The following CRISPLD1 variants were observed in gnomAD, a reference collection of about 807,000 sequenced individuals.
The protein encoded by CRISPLD1 is cysteine-rich secretory protein LCCL domain-containing 1.
A neutral mutation model predicts 77.5 loss-of-function variants in CRISPLD1; 60 were observed. The ratio of observed to expected loss-of-function variants is 0.77; its 90% CI spans 0.63 to 0.96. The LOEUF is 0.96. CRISPLD1 is among the 40% of genes least tolerant of loss of function. The pLI is 0.00. For missense variants in CRISPLD1, 623 were observed against 615.8 expected, an observed-to-expected ratio of 1.01 and a Z score of -0.12; for synonymous variants, 195 against 200.1, an observed-to-expected ratio of 0.97 and a Z score of 0.22.
rs1350766802 is a variant in CRISPLD1, at chr8:75,033,168, A to G, written c.*926A>G. 3 of 152,350 alleles carry G rather than the reference A, an allele frequency of 2.0e-5. No individual in the cohort carries two copies. The highest frequency in any genetic ancestry group is 1.5e-5 in the Non-Finnish European group (1 of 67,838). The allele number at this position is 152,350 out of a possible 1,614,324, so 9.4% of individuals were successfully genotyped here. A position where few individuals can be genotyped will look rare whatever the true frequency, so the allele number is the denominator to read the frequency against. ...CTATAATGGTGATATATTTGTTTCT[A>G]TGAAAAATGTATTGTGCTTTGATAC... On this transcript the variant is annotated 3_prime_UTR_variant, in exon 15 of 15. Transcript: ENST00000262207.
chr8:74,999,667 A>G (rs986672681), intron 2 of CRISPLD1, among the ~76,000 whole-genome samples: 1 of 152,204 alleles, frequency 6.6e-6, no homozygotes, highest in Non-Finnish European at 1.5e-5. Flanking sequence ...ATAATTGTAA[A>G]ATACAGGTTC....
intron 14 of CRISPLD1, 141 bp downstream of exon 14, chr8:75,029,658 G>A (rs1245283764): frequency 4.0e-6 from 3 of 758,516 alleles, no homozygotes; most frequent in Admixed American, 2.9e-5. Flanking sequence ...TTGCACACTT[G>A]TGTACCAGTC....
At chr8:75,009,709 G>A (rs1812896363) in intron 2 of CRISPLD1, among the ~76,000 whole-genome samples, 1 of 151,864 alleles carries the variant, frequency 6.6e-6, no homozygotes, top group African/African-American at 2.4e-5. Flanking sequence ...ATGTCTTTAG[G>A]GACTCCATCT....
intron 2 of CRISPLD1, among the ~76,000 whole-genome samples, chr8:74,995,109 A>G (rs749880398): frequency 8.5e-5 from 13 of 152,174 alleles, no homozygotes; most frequent in Non-Finnish European, 1.8e-4. Context: ...CATCAAGGGA[A>G]TGAGTATAGA....
intron 2 of CRISPLD1, among the ~76,000 whole-genome samples, chr8:74,997,176 A>G (rs78924644): frequency 0.1 from 15,898 of 152,200 alleles, 893 homozygotes; most frequent in South Asian, 0.12. Flanking sequence ...AGGAGGAGAA[A>G]GACTGAATGC....
intron 2 of CRISPLD1, among the ~76,000 whole-genome samples, chr8:75,010,986 T>A (rs1338220388): frequency 2.0e-5 from 3 of 151,894 alleles, no homozygotes. Context: ...ACACTTGTAT[T>A]ACAACCATCT....
chr8:75,020,235 A>G (rs1346767835), intron 12 of CRISPLD1, among the ~76,000 whole-genome samples, 156 bp downstream of exon 12: 1 of 152,244 alleles, frequency 6.6e-6, no homozygotes, highest in Non-Finnish European at 1.5e-5. Flanking sequence ...AGGCAGGCCT[A>G]GTGTACTTTC....
At chr8:74,990,431 C>T (rs1812555304) in intron 2 of CRISPLD1, among the ~76,000 whole-genome samples, 1 of 152,118 alleles carries the variant, frequency 6.6e-6, no homozygotes, top group Admixed American at 6.5e-5. Flanking sequence ...GCTCTTATTT[C>T]CCACACATCT....
At chr8:75,019,745 C>G in intron 10 of CRISPLD1, 125 bp from the exon 11 acceptor site, 1 of 689,832 alleles carries the variant, frequency 1.4e-6, no homozygotes, top group Non-Finnish European at 2.5e-6. Flanking sequence ...TATATTGCTA[C>G]TTGTCTATTT....
intron 12 of CRISPLD1, among the ~76,000 whole-genome samples, chr8:75,022,177 A>T (rs1813147020): frequency 2.0e-5 from 3 of 152,224 alleles, no homozygotes; most frequent in Admixed American, 2.0e-4. Context: ...CAACATAATA[A>T]ATCCATAGAA....
Position 74,988,820 on chromosome 8 carries a change from G to A in CRISPLD1, c.258+2575G>A, listed in dbSNP as rs548678970. The stretch of plus-strand genomic sequence containing the variant: ...ACTGCACTCCACCCTGGGTGACAGC[G>A]AGACACTGCCTTAAAACAAACAAAA... On this transcript the variant is annotated intron_variant, in intron 2 of 14. Transcript: ENST00000262207. Among the ~76,000 whole-genome samples the A allele has an allele frequency of 6.8e-4, 104 of 152,242 alleles. 1 individual carries two copies. The highest frequency in any genetic ancestry group is 1.9e-3 in the Admixed American group (29 of 15,282).
chr8:75,024,360 G>C (rs554925583), intron 12 of CRISPLD1, among the ~76,000 whole-genome samples: 4 of 152,144 alleles, frequency 2.6e-5, no homozygotes, highest in Non-Finnish European at 4.4e-5. Flanking sequence ...GAGTCTTGCT[G>C]TGTTGCCCAG....
chr8:75,001,414 G>C (rs551636861), intron 2 of CRISPLD1, among the ~76,000 whole-genome samples: 9 of 152,244 alleles, frequency 5.9e-5, no homozygotes, highest in African/African-American at 1.9e-4. Context: ...TCTTCCAGGA[G>C]ATACAGTGAT....
At chr8:75,030,108 A>G (rs1334972773) in intron 14 of CRISPLD1, among the ~76,000 whole-genome samples, 1 of 152,182 alleles carries the variant, frequency 6.6e-6, no homozygotes, top group Non-Finnish European at 1.5e-5. Flanking sequence ...AAATGAAGCA[A>G]TGGTGATTTT....
At chr8:75,029,003 G>T (rs1392897757) in intron 13 of CRISPLD1, among the ~76,000 whole-genome samples, 1 of 152,188 alleles carries the variant, frequency 6.6e-6, no homozygotes, top group Non-Finnish European at 1.5e-5. Context: ...TTTGGTCAGA[G>T]TGAGCCCAGT....
chr8:75,002,456 G>T (rs941493874), intron 2 of CRISPLD1, among the ~76,000 whole-genome samples: 8 of 148,176 alleles, frequency 5.4e-5, no homozygotes, highest in Non-Finnish European at 1.2e-4. Context: ...TTCTCAGCAG[G>T]AAACAAATGC....
intron 2 of CRISPLD1, among the ~76,000 whole-genome samples, chr8:74,999,639 G>A (rs1446368556): frequency 6.6e-6 from 1 of 152,122 alleles, no homozygotes; most frequent in Non-Finnish European, 1.5e-5. Context: ...AGGAAGTGGG[G>A]TTTGAATTGG....
intron 2 of CRISPLD1, among the ~76,000 whole-genome samples, chr8:75,003,109 G>A (rs1423054477): frequency 1.3e-5 from 2 of 152,118 alleles, no homozygotes; most frequent in Non-Finnish European, 1.5e-5. Context: ...TGCAGGCACA[G>A]CAATTTATCA....
chr8:75,001,770 G>T (rs1291651712), intron 2 of CRISPLD1, among the ~76,000 whole-genome samples: 1 of 152,098 alleles, frequency 6.6e-6, no homozygotes, highest in Non-Finnish European at 1.5e-5. Context: ...CCCAAATGGT[G>T]GAAACAACCT....
Sources: allele counts gnomAD v4.1 joint callset (sites outside exome capture counted in the v4.1 genomes callset), GRCh38; gene constraint gnomAD v4.1.1; transcripts MANE v1.5; gene names NCBI Gene and HGNC (gene_info 2026-07-23, HGNC 2026-07-21).